Variants in ESYT2 observed in about 807,000 individuals in gnomAD.
ESYT2 encodes the protein extended synaptotagmin 2, also known as extended synaptotagmin-2.
In ESYT2, 54 loss-of-function variants were observed where a neutral mutation model predicts 107.2. The observed-to-expected ratio is 0.50, with a 90% CI of 0.40 to 0.63. The LOEUF is 0.63. Ranked by LOEUF, ESYT2 falls within the 30% of genes least tolerant of loss-of-function variation. ESYT2 has a pLI of 0.00. For missense variants in ESYT2, 1,020 were observed against 1,094.5 expected (o/e 0.93, Z 0.96); for synonymous variants, 491 against 434.1 (o/e 1.13, Z -1.63).
intron 14 of ESYT2, among the ~76,000 whole-genome samples, chr7:158,750,914 C>G (rs1837564353): frequency 6.6e-6 from 1 of 152,160 alleles, no homozygotes; most frequent in Non-Finnish European, 1.5e-5. Flanking sequence ...CAGGCCAGAA[C>G]CCCCGGACTT....
At chr7:158,798,125 GAC>G (rs1839525167) in intron 2 of ESYT2, 49 bp from the exon 3 acceptor site, 15 of 1,602,812 alleles carry the variant, frequency 9.4e-6, no homozygotes, top group Non-Finnish European at 1.3e-5. Flanking sequence ...TATAATGCAT[GAC>G]ACACACGAGT....
At chr7:158,809,801 G>A (rs538420784) in intron 1 of ESYT2, among the ~76,000 whole-genome samples, 3 of 152,304 alleles carry the variant, frequency 2.0e-5, no homozygotes, top group South Asian at 4.1e-4. Flanking sequence ...ATCACAGGCA[G>A]CCAGCTGTTC....
intron 17 of ESYT2, 21 bp downstream of exon 17, chr7:158,743,508 C>T: frequency 6.3e-7 from 1 of 1,593,672 alleles, no homozygotes; most frequent in Non-Finnish European, 8.5e-7. Context: ...CTATGGTGTT[C>T]ACTGCAGGAC....
chr7:158,797,912 G>A (rs1455278139), intron 3 of ESYT2, 30 bp downstream of exon 3: 1 of 1,604,682 alleles, frequency 6.2e-7, no homozygotes, highest in Non-Finnish European at 8.5e-7. Context: ...CTGACTGTGT[G>A]CACGTGAGGA....
At chr7:158,766,228 C>T (rs1459420792) in intron 8 of ESYT2, among the ~76,000 whole-genome samples, 4 of 152,138 alleles carry the variant, frequency 2.6e-5, no homozygotes, top group African/African-American at 9.7e-5. Context: ...AATACATGTC[C>T]CCCCACAGAG....
chr7:158,828,523 G>A (rs1446565982), intron 1 of ESYT2, among the ~76,000 whole-genome samples: 1 of 152,242 alleles, frequency 6.6e-6, no homozygotes, highest in African/African-American at 2.4e-5. Flanking sequence ...GCCGGGGGAG[G>A]GAAGCGGGCT....
chr7:158,802,034 C>T (rs12673469), intron 1 of ESYT2, among the ~76,000 whole-genome samples: 16,449 of 152,186 alleles, frequency 0.11, 1,342 homozygotes, highest in East Asian at 0.43. Flanking sequence ...ACCCAAAGGA[C>T]TCCAGAGTCC....
intron 6 of ESYT2, among the ~76,000 whole-genome samples, chr7:158,783,390 A>T (rs549749120): frequency 1.3e-5 from 2 of 152,302 alleles, no homozygotes; most frequent in African/African-American, 4.8e-5. Context: ...ATTGAGCTCC[A>T]CAGTTCAGAA....
At chr7:158,827,669 T>A (rs999557792) in intron 1 of ESYT2, 1 of 152,160 alleles carries the variant, frequency 6.6e-6, no homozygotes. Context: ...TCTACTACCT[T>A]CTTCTTGTCT....
intron 6 of ESYT2, among the ~76,000 whole-genome samples, chr7:158,781,020 G>A (rs1160801350): frequency 1.3e-5 from 2 of 152,216 alleles, no homozygotes; most frequent in Non-Finnish European, 2.9e-5. Flanking sequence ...GAATGAGCGT[G>A]AGAAAGAAAA....
chr7:158,787,525 T>C (rs1355795479), intron 6 of ESYT2, among the ~76,000 whole-genome samples: 1 of 152,234 alleles, frequency 6.6e-6, no homozygotes, highest in Non-Finnish European at 1.5e-5. Flanking sequence ...CAGATGAGTC[T>C]TCTCAACAAA....
chr7:158,766,075 G>A (rs1002024911), intron 8 of ESYT2, among the ~76,000 whole-genome samples: 11 of 151,992 alleles, frequency 7.2e-5, no homozygotes, highest in Middle Eastern at 6.8e-3. Flanking sequence ...CGGCTGAGGT[G>A]GAAGAATGGT....
At chr7:158,764,956 G>T in intron 8 of ESYT2, 103 bp from the exon 9 acceptor site, 1 of 1,187,714 alleles carries the variant, frequency 8.4e-7, no homozygotes, top group Non-Finnish European at 1.2e-6. Flanking sequence ...TGGGAGTGCC[G>T]AGGGAATAAA....
intron 16 of ESYT2, 97 bp downstream of exon 16, chr7:158,748,097 T>G: frequency 9.2e-7 from 1 of 1,084,206 alleles, no homozygotes; most frequent in Non-Finnish European, 1.4e-6. Context: ...TGGCGATGGA[T>G]CCCCAGGTGT....
chr7:158,759,936 C>T (rs1054467340), intron 12 of ESYT2, 122 bp downstream of exon 12: 4 of 842,508 alleles, frequency 4.7e-6, no homozygotes, highest in African/African-American at 1.7e-5. Flanking sequence ...ACTTATTACA[C>T]AATAATGAAA....
At chr7:158,745,724 A>G (rs1164328320) in intron 16 of ESYT2, among the ~76,000 whole-genome samples, 7 of 152,244 alleles carry the variant, frequency 4.6e-5, no homozygotes, top group Non-Finnish European at 1.0e-4. Flanking sequence ...TGGAAACTAA[A>G]TAACAGACCA....
intron 7 of ESYT2, among the ~76,000 whole-genome samples, chr7:158,768,666 C>T (rs528030469): frequency 1.3e-5 from 2 of 152,234 alleles, no homozygotes; most frequent in Non-Finnish European, 2.9e-5. Flanking sequence ...GACCCACCCA[C>T]CTTGGCCTCC....
At position 158,807,330 on chromosome 7, in the gene ESYT2, T is replaced by G. The variant is rs112866477; in HGVS notation, c.331-8258A>C. Among the ~76,000 whole-genome samples, 734 of 150,194 alleles carry G rather than the reference T, an allele frequency of 4.9e-3. 11 individuals are homozygous for G. The highest frequency in any genetic ancestry group is 0.016 in the African/African-American group (663 of 41,062). ...TATCTACATGGATTCAGAATTAACA[T>G]CGGACTTAAAATTTATCTGTGAATT... is the stretch of plus-strand genomic sequence containing the variant. On this transcript the variant is annotated intron_variant, in intron 1 of 22. Transcript: ENST00000275418.
intron 13 of ESYT2, among the ~76,000 whole-genome samples, chr7:158,753,568 C>T (rs1837653102): frequency 6.7e-6 from 1 of 150,136 alleles, no homozygotes; most frequent in African/African-American, 2.4e-5. Context: ...TAATTAACTT[C>T]AAACTTGTGA....
Sources: allele counts gnomAD v4.1 joint callset (sites outside exome capture counted in the v4.1 genomes callset), GRCh38; gene constraint gnomAD v4.1.1; transcripts MANE v1.5; gene names NCBI Gene and HGNC (gene_info 2026-07-23, HGNC 2026-07-21).